SOD2: variants seen among roughly 807,000 people sequenced by gnomAD.
The protein encoded by SOD2 is superoxide dismutase 2, also known as superoxide dismutase [Mn], mitochondrial.
A neutral mutation model predicts 27.0 loss-of-function variants in SOD2; 11 were observed. The ratio of observed to expected loss-of-function variants is 0.41; its 90% CI spans 0.26 to 0.67. The LOEUF (loss-of-function observed/expected upper bound fraction) is 0.67. Among genes scored for constraint, SOD2 ranks in the 30% least tolerant of loss-of-function variants. The pLI is 0.34. For synonymous variants in SOD2, 105 were observed against 103.0 expected (o/e 1.02, Z -0.12); for missense variants, 250 against 274.5 (o/e 0.91, Z 0.63).
chr6:159,677,688 C>G lies in SOD2; in HGVS notation c.*4805G>C, dbSNP rs535873053. On this transcript the variant is annotated 3_prime_UTR_variant, in exon 5 of 5. Coordinates refer to ENST00000538183, the MANE Select transcript of SOD2 (RefSeq NM_000636.4). ...CCAGGCTGGAGTGCAGTAGCACAAT[C>G]ATAGCTCACTACAGCTGCAAACTCC... The G allele has an allele frequency of 5.4e-4, 83 of 152,348 alleles. 1 individual carries two copies. Among genetic ancestry groups the G allele is most frequent in the African/African-American group, 1.9e-3 (78 of 41,568 alleles). 9.4% of individuals were successfully genotyped at this position (152,348 alleles called of 1,614,324 possible). A position where few individuals can be genotyped will look rare whatever the true frequency, so the allele number is the denominator to read the frequency against.
chr6:159,713,115 C>G, intron 1 of SOD2: 3 of 905,230 alleles, frequency 3.3e-6, no homozygotes, highest in Non-Finnish European at 5.0e-6. Flanking sequence ...TAAGGTAAAC[C>G]CCTCGTGTGT....
chr6:159,685,378 G>A (rs1209457732), intron 3 of SOD2, among the ~76,000 whole-genome samples: 2 of 151,706 alleles, frequency 1.3e-5, no homozygotes, highest in African/African-American at 2.4e-5. Context: ...GAGCAGCTGC[G>A]ATTACAGGCA....
chr6:159,727,233 A>G, exon 1 of SOD2: 2 of 1,274,426 alleles, frequency 1.6e-6, no homozygotes, highest in Non-Finnish European at 2.0e-6. Context: ...CGAGGCCCCG[A>G]TCGGGCTAGG....
intron 1 of SOD2, among the ~76,000 whole-genome samples, chr6:159,707,493 A>G (rs1272923458): frequency 6.6e-6 from 1 of 152,254 alleles, no homozygotes; most frequent in Non-Finnish European, 1.5e-5. Flanking sequence ...AAACACCTCT[A>G]CACAAATAAA....
intron 1 of SOD2, among the ~76,000 whole-genome samples, chr6:159,724,013 C>T (rs1256215107): frequency 6.6e-6 from 1 of 152,024 alleles, no homozygotes; most frequent in Non-Finnish European, 1.5e-5. Context: ...CTTCCCAAAG[C>T]ACTGGGATTA....
intron 1 of SOD2, chr6:159,726,925 C>T (rs1778198577): frequency 1.6e-6 from 2 of 1,288,800 alleles, no homozygotes; most frequent in Non-Finnish European, 2.0e-6. Flanking sequence ...GCACCTGGTC[C>T]TCCGACACGC....
chr6:159,744,423 C>T (rs1033873851), intron 1 of SOD2, among the ~76,000 whole-genome samples: 2 of 152,116 alleles, frequency 1.3e-5, no homozygotes, highest in African/African-American at 2.4e-5. Flanking sequence ...TCTTTGTGTA[C>T]TCTCCCTTCA....
rs1246361048 is a variant in SOD2 at position 159,673,652 on chromosome 6, T to C, written c.*8841A>G. On this transcript the variant is annotated 3_prime_UTR_variant, in exon 5 of 5. Coordinates refer to ENST00000538183, the MANE Select transcript of SOD2 (RefSeq NM_000636.4). ...TGCCCACAAGAGAAAGCAGGAAAGA[T>C]CTAAAATTGACACTCTAACATCACA... The C allele has an allele frequency of 6.6e-6, 1 of 151,780 alleles. No individual in the cohort carries two copies. Among genetic ancestry groups the C allele is most frequent in the Non-Finnish European group, 1.5e-5 (1 of 67,936 alleles). 9.4% of individuals were successfully genotyped at this position (151,780 alleles called of 1,614,324 possible).
chr6:159,705,367 C>T (rs1036268327), intron 1 of SOD2, among the ~76,000 whole-genome samples: 3 of 152,116 alleles, frequency 2.0e-5, no homozygotes, highest in South Asian at 2.1e-4. Context: ...AAGTTAAAAA[C>T]CATGAAAAAA....
chr6:159,745,477 A>C (rs914793552), upstream of SOD2, among the ~76,000 whole-genome samples: 6 of 151,516 alleles, frequency 4.0e-5, no homozygotes, highest in African/African-American at 1.5e-4. Flanking sequence ...TGCATACGCC[A>C]GCTGAACAAC....
intron 1 of SOD2, among the ~76,000 whole-genome samples, chr6:159,717,927 G>GTA (rs971929694): frequency 1.4e-5 from 2 of 141,858 alleles, no homozygotes; most frequent in Admixed American, 7.1e-5. Flanking sequence ...GTGTGTGTGT[G>GTA]TATATGTGTA....
At chr6:159,727,133 C>T (rs1290200623) in exon 1 of SOD2, 2 of 1,195,430 alleles carry the variant, frequency 1.7e-6, no homozygotes, top group Non-Finnish European at 1.1e-6. Context: ...CCTTACTGAG[C>T]TTGCTGAGCT....
chr6:159,681,086 T>C lies in SOD2; in HGVS notation c.*1407A>G, dbSNP rs1359704091. 2 of 151,820 alleles carry C rather than the reference T, an allele frequency of 1.3e-5. No homozygotes were observed. Among genetic ancestry groups the C allele is most frequent in the Non-Finnish European group, 2.9e-5 (2 of 68,000 alleles). The allele number at this position is 151,820 out of a possible 1,614,324, so 9.4% of individuals were successfully genotyped here. ...CAAAAACAGTAAATTAGGCAGATGA[T>C]GAAACAACATGGCAAATGTATGATG... On this transcript the variant is annotated 3_prime_UTR_variant, in exon 5 of 5. Transcript: ENST00000538183.
chr6:159,742,016 T>C, intron 1 of SOD2: 2 of 1,112,500 alleles, frequency 1.8e-6, no homozygotes, highest in East Asian at 2.5e-5. Flanking sequence ...TCTGTGAGTT[T>C]ATAGATATCT....
At chr6:159,690,316 A>G (rs1047078531) in intron 2 of SOD2, among the ~76,000 whole-genome samples, 3 of 144,244 alleles carry the variant, frequency 2.1e-5, no homozygotes, top group African/African-American at 5.2e-5. Flanking sequence ...AGTATGTCTG[A>G]CTAGGCACGG....
intron 1 of SOD2, among the ~76,000 whole-genome samples, chr6:159,733,508 G>C (rs1778716653): frequency 1.3e-5 from 2 of 152,068 alleles, no homozygotes; most frequent in South Asian, 4.1e-4. Context: ...TGTAGTCCCA[G>C]GTACTCGGGA....
chr6:159,725,067 G>C (rs79759613), intron 1 of SOD2, among the ~76,000 whole-genome samples: 2,441 of 152,174 alleles, frequency 0.016, 79 homozygotes, highest in African/African-American at 0.056. Flanking sequence ...GCTCAGCTCC[G>C]GGACTTTAGT....
chr6:159,712,892 AC>A (rs1202952769), intron 1 of SOD2: 3 of 634,300 alleles, frequency 4.7e-6, no homozygotes, highest in South Asian at 1.7e-5. Flanking sequence ...GTGTTCATAA[AC>A]CCCCCTACTT....
intron 1 of SOD2, chr6:159,736,319 T>C: frequency 1.3e-6 from 2 of 1,589,008 alleles, no homozygotes; most frequent in Non-Finnish European, 1.7e-6. Flanking sequence ...TTTTGGGTTT[T>C]TTTGTTTTGT....
Sources: allele counts gnomAD v4.1 joint callset (sites outside exome capture counted in the v4.1 genomes callset), GRCh38; gene constraint gnomAD v4.1.1; transcripts MANE v1.5; gene names NCBI Gene and HGNC (gene_info 2026-07-23, HGNC 2026-07-21).